MLIP: variants seen among roughly 807,000 people sequenced by gnomAD.
MLIP encodes muscular LMNA interacting protein.
Under a neutral mutation model 84.8 loss-of-function variants are expected in MLIP, and 79 were observed. That is an observed-to-expected ratio of 0.93 (90% CI 0.78 to 1.12). The LOEUF (loss-of-function observed/expected upper bound fraction) is 1.12, where lower values mean the gene tolerates loss of function less well. MLIP is among the 50% of genes most tolerant of loss of function. The pLI, the probability that MLIP is intolerant of heterozygous loss-of-function variation, is 0.00. For missense variants in MLIP, 1,257 were observed against 1,160.6 expected (o/e 1.08, Z -1.21); for synonymous variants, 504 against 463.0 (o/e 1.09, Z -1.14).
rs1299085073 is a variant in MLIP at position 54,065,774 on chromosome 6, T to C, written c.63+46683T>C. The stretch of plus-strand genomic sequence containing the variant: ...GGCCACCTCTGACTTTCCTAGTCAA[T>C]ACAAATTTTCATTCACTTCTCCTTG... On this transcript the variant is annotated intron_variant, in intron 1 of 12. Coordinates refer to the MLIP transcript ENST00000274897. Among the ~76,000 whole-genome samples, 2 of 99,582 alleles carry C rather than the reference T, an allele frequency of 2.0e-5. 1 individual carries two copies. Among genetic ancestry groups the C allele is most frequent in the Non-Finnish European group, 5.8e-5 (2 of 34,732 alleles). The allele number at this position is 99,582 out of a possible 152,430, so 65.3% of individuals were successfully genotyped here.
At chr6:54,096,548 C>T (rs1208224097) in intron 1 of MLIP, among the ~76,000 whole-genome samples, 2 of 152,106 alleles carry the variant, frequency 1.3e-5, no homozygotes, top group Non-Finnish European at 2.9e-5. Context: ...GAAGCCTTGG[C>T]TACTTTGGCT....
At chr6:54,221,112 A>G (rs1289577808) in intron 11 of MLIP, among the ~76,000 whole-genome samples, 1 of 152,156 alleles carries the variant, frequency 6.6e-6, no homozygotes, top group Admixed American at 6.6e-5. Flanking sequence ...GGTTCCTGAT[A>G]TAATGCTCTA....
At chr6:54,082,264 T>G (rs952794425) in intron 1 of MLIP, among the ~76,000 whole-genome samples, 1 of 152,234 alleles carries the variant, frequency 6.6e-6, no homozygotes, top group Non-Finnish European at 1.5e-5. Flanking sequence ...TAGATAATTT[T>G]CTTATTTTCC....
intron 1 of MLIP, among the ~76,000 whole-genome samples, chr6:54,068,086 T>G (rs1365047576): frequency 1.3e-5 from 1 of 78,376 alleles, no homozygotes; most frequent in Admixed American, 1.2e-4. Context: ...CTTCCTTCCT[T>G]CTTTTTCTCT....
chr6:54,140,587 T>C (rs762779730), intron 4 of MLIP, among the ~76,000 whole-genome samples: 13 of 152,198 alleles, frequency 8.5e-5, no homozygotes, highest in Admixed American at 1.3e-4. Context: ...AATAGAATAG[T>C]ATGGACTATG....
intron 11 of MLIP, among the ~76,000 whole-genome samples, chr6:54,202,467 G>T (rs1279370523): frequency 3.5e-4 from 49 of 140,826 alleles, no homozygotes; most frequent in Middle Eastern, 3.6e-3. Context: ...ATTTTAATGT[G>T]TTTTTTTTTT....
chr6:54,265,908 T>G, intron 13 of MLIP, 42 bp from the exon 14 acceptor site: 1 of 1,586,024 alleles, frequency 6.3e-7, no homozygotes, highest in Non-Finnish European at 8.6e-7. Context: ...ATTTTTAAAT[T>G]TATTCATCTT....
intron 13 of MLIP, among the ~76,000 whole-genome samples, chr6:54,263,791 C>T (rs1252713251): frequency 6.6e-6 from 1 of 151,936 alleles, no homozygotes; most frequent in Admixed American, 6.6e-5. Context: ...TAAGTTCTTT[C>T]TTGCTTGTAT....
intron 3 of MLIP, among the ~76,000 whole-genome samples, chr6:54,129,815 G>A (rs968751827): frequency 1.3e-5 from 2 of 152,152 alleles, no homozygotes; most frequent in Non-Finnish European, 2.9e-5. Flanking sequence ...CCTGGGGCCT[G>A]ACTGTGCAAG....
intron 11 of MLIP, 140 bp downstream of exon 11, chr6:54,202,373 TTTGA>T: frequency 2.7e-6 from 1 of 364,678 alleles, no homozygotes; most frequent in Non-Finnish European, 4.3e-6. Flanking sequence ...AACATGTTCA[TTTGA>T]TTGGAATATA....
chr6:54,138,773 G>A (rs997154703), intron 4 of MLIP, among the ~76,000 whole-genome samples: 2 of 152,100 alleles, frequency 1.3e-5, no homozygotes, highest in Non-Finnish European at 2.9e-5. Flanking sequence ...GCACGTTCTC[G>A]TAGCAGAAAG....
rs1218007718 is a variant in MLIP, at chr6:54,066,036, T to C, written c.63+46945T>C. Among the ~76,000 whole-genome samples the C allele has an allele frequency of 6.0e-5, 6 of 99,660 alleles. 2 individuals carry two copies. The highest frequency in any genetic ancestry group is 1.5e-4 in the African/African-American group (6 of 39,138). The allele number at this position is 99,660 out of a possible 152,430, so 65.4% of individuals were successfully genotyped here. A position where few individuals can be genotyped will look rare whatever the true frequency, so the allele number is the denominator to read the frequency against. On this transcript the variant is annotated intron_variant, in intron 1 of 12. Coordinates refer to the MLIP transcript ENST00000274897. ...TTATTTTACATATCCCTTCTACATT[T>C]ATCTTAGGTGTAGAATCACAATCAA...
At chr6:54,073,002 C>G (rs374776596) in intron 1 of MLIP, among the ~76,000 whole-genome samples, 5 of 152,280 alleles carry the variant, frequency 3.3e-5, no homozygotes, top group Admixed American at 1.3e-4. Context: ...TTTGCCACCC[C>G]CTTCCCTCAA....
At chr6:54,144,644 C>T (rs1486933480) in intron 4 of MLIP, among the ~76,000 whole-genome samples, 4 of 152,306 alleles carry the variant, frequency 2.6e-5, no homozygotes, top group Non-Finnish European at 4.4e-5. Flanking sequence ...CAGTCATACA[C>T]GCTCACCTGC....
chr6:54,207,649 C>A (rs1268316980), intron 11 of MLIP, among the ~76,000 whole-genome samples: 1 of 152,158 alleles, frequency 6.6e-6, no homozygotes, highest in Non-Finnish European at 1.5e-5. Context: ...TCATAATGGT[C>A]TGAAGCATTA....
At chr6:54,125,556 G>A (rs943216068) in intron 3 of MLIP, among the ~76,000 whole-genome samples, 1 of 152,196 alleles carries the variant, frequency 6.6e-6, no homozygotes, top group East Asian at 1.9e-4. Flanking sequence ...ATGCGGACAA[G>A]GAGGCATTTT....
chr6:54,091,631 A>G (rs932998379), intron 1 of MLIP, among the ~76,000 whole-genome samples: 6 of 152,164 alleles, frequency 3.9e-5, no homozygotes, highest in African/African-American at 1.4e-4. Flanking sequence ...TATTACTGCC[A>G]GGTAAATCTA....
At chr6:54,169,780 G>A (rs1775585364) in intron 9 of MLIP, among the ~76,000 whole-genome samples, 1 of 151,700 alleles carries the variant, frequency 6.6e-6, no homozygotes, top group Non-Finnish European at 1.5e-5. Flanking sequence ...GTCCTTAAGT[G>A]AGGTCTAGTT....
At chr6:54,224,949 C>G (rs1253267384) in intron 11 of MLIP, among the ~76,000 whole-genome samples, 2 of 152,180 alleles carry the variant, frequency 1.3e-5, no homozygotes, top group African/African-American at 4.8e-5. Flanking sequence ...ATTTCGTTGT[C>G]TATAGTGTAT....
Sources: allele counts gnomAD v4.1 joint callset (sites outside exome capture counted in the v4.1 genomes callset), GRCh38; gene constraint gnomAD v4.1.1; transcripts MANE v1.5; gene names NCBI Gene and HGNC (gene_info 2026-07-23, HGNC 2026-07-21).